FAM98B: variants seen among roughly 807,000 people sequenced by gnomAD.
FAM98B encodes the protein tRNA splicing ligase complex subunit 3B, also known as tRNA-splicing ligase complex subunit FAM98B.
FAM98B carries 32 observed loss-of-function variants against 43.9 expected under a neutral mutation model. The observed-to-expected ratio is 0.73, with a 90% confidence interval of 0.55 to 0.98. FAM98B has a LOEUF of 0.98. FAM98B is among the 50% of genes least tolerant of loss of function. The probability of loss-of-function intolerance (pLI) is 0.00; values close to 1 mark genes in which losing one functional copy is unlikely to be tolerated. For missense variants in FAM98B, 514 were observed against 522.9 expected (o/e 0.98, Z 0.17); for synonymous variants, 190 against 174.0 (o/e 1.09, Z -0.72).
chr15:38,465,005 G>A (rs1890006963), intron 2 of FAM98B, among the ~76,000 whole-genome samples: 1 of 152,178 alleles, frequency 6.6e-6, no homozygotes, highest in African/African-American at 2.4e-5. Flanking sequence ...AGCAGTGAGG[G>A]TTAATTAGAT....
rs545260268 is a variant in FAM98B, at chr15:38,457,315, A to C, written c.71+3083A>C. Among the ~76,000 whole-genome samples, 278 of 152,298 alleles carry C rather than the reference A, an allele frequency of 1.8e-3. 1 individual carries two copies. The highest frequency in any genetic ancestry group is 3.5e-3 in the Non-Finnish European group (236 of 68,018). ...TACAGGTGTGAGCCACCACGCCCCA[A>C]CAGATTAATTTCTTCAGTTGGTATT... is the stretch of plus-strand genomic sequence containing the variant. On this transcript the variant is annotated intron_variant, in intron 1 of 7. Transcript: ENST00000397609.
intron 7 of FAM98B, 176 bp downstream of exon 7, chr15:38,481,635 G>T: frequency 6.6e-7 from 1 of 1,519,006 alleles, no homozygotes; most frequent in Non-Finnish European, 8.8e-7. Context: ...ATGTTCACTT[G>T]AATTTGTGTA....
At chr15:38,465,641 T>C (rs1890018487) in intron 3 of FAM98B, among the ~76,000 whole-genome samples, 1 of 152,166 alleles carries the variant, frequency 6.6e-6, no homozygotes, top group African/African-American at 2.4e-5. Context: ...GTGATTTATA[T>C]AGTACTTTAG....
intron 5 of FAM98B, among the ~76,000 whole-genome samples, chr15:38,473,955 C>T (rs112688529): frequency 1.1e-3 from 166 of 152,236 alleles, no homozygotes; most frequent in Middle Eastern, 3.4e-3. Context: ...ACTCTACCAA[C>T]GGGTGGAGTT....
rs1391529235 is a variant in FAM98B, at chr15:38,465,422, T to G, written c.352+19T>G. On this transcript the variant is annotated intron_variant, in intron 3 of 7. Coordinates refer to ENST00000397609, the MANE Select transcript of FAM98B (RefSeq NM_173611.4). ...CTTCTATGTAAGTTATCTTGAACAT[T>G]TAAATGCATGTGTTTGACATGGTTT... 2 of 1,556,578 alleles carry G rather than the reference T, an allele frequency of 1.3e-6. No individual in the cohort carries two copies. The highest frequency in any genetic ancestry group is 2.5e-5 in the South Asian group (2 of 79,324).
In FAM98B at chr15:38,473,423, T is replaced by C. The variant is rs1213799833; in HGVS notation, c.532-82T>C. The C allele has an allele frequency of 5.2e-6, 5 of 961,128 alleles. No homozygotes were observed. The Middle Eastern group carries it at 9.7e-4, about 186-fold the overall frequency. The allele number at this position is 961,128 out of a possible 1,614,324, so 59.5% of individuals were successfully genotyped here. On this transcript the variant is annotated intron_variant, in intron 4 of 7. Coordinates refer to ENST00000397609, the MANE Select transcript of FAM98B (RefSeq NM_173611.4). ...ACTTTAATATTTTATTCTGTAGTGTTCAGAGCGATACTTTAAACAAGCATA... is the reference window on the plus strand; with the variant it reads ...ACTTTAATATTTTATTCTGTAGTGTCCAGAGCGATACTTTAAACAAGCATA...
At chr15:38,473,663 T>C (rs907723141) in intron 5 of FAM98B, 78 bp downstream of exon 5, 8 of 1,151,864 alleles carry the variant, frequency 6.9e-6, no homozygotes, top group Non-Finnish European at 1.0e-5. Flanking sequence ...GAACATCTAT[T>C]TTGCAATATG....
intron 1 of FAM98B, chr15:38,458,956 G>A (rs78714949): frequency 0.018 from 7,109 of 403,798 alleles, 87 homozygotes; most frequent in Middle Eastern, 0.04. Context: ...GGCGGCTGAG[G>A]TTCCTGACTT....
In FAM98B at chr15:38,465,379, A is replaced by C. The variant is rs777709403; in HGVS notation, c.328A>C (p.Lys110Gln). 4 of 1,600,354 alleles carry C rather than the reference A, an allele frequency of 2.5e-6. No individual in the cohort carries two copies. The highest frequency in any genetic ancestry group is 3.4e-6 in the Non-Finnish European group (4 of 1,174,564). Residue 110 changes from lysine (K) to glutamine (Q), a missense_variant, in exon 3 of 8, where the codon AAG becomes CAG. This residue lies in a region of FAM98B where 469 missense variants were observed against 451.8 expected (regional missense o/e 1.04). Transcript: ENST00000397609. ...SGDIKDRLKK[K>Q]EDCLKLLLFL... is the part of the protein sequence containing the mutation. ...AGATATTAAAGATCGTTTAAAAAAG[A>C]AGGAGGACTGTTTGAAACTTCTATG...
chr15:38,484,005 TAC>T (rs1890325728), intron 7 of FAM98B, among the ~76,000 whole-genome samples: 1 of 152,012 alleles, frequency 6.6e-6, no homozygotes. Context: ...ATATATTAAC[TAC>T]AGTCATCATA....
intron 1 of FAM98B, among the ~76,000 whole-genome samples, chr15:38,457,840 C>G (rs532952018): frequency 5.9e-4 from 89 of 151,962 alleles, no homozygotes; most frequent in African/African-American, 2.0e-3. Flanking sequence ...AATGGGAGAG[C>G]AGTGATAATG....
chr15:38,474,660 A>T (rs1406030893), intron 6 of FAM98B, among the ~76,000 whole-genome samples: 2 of 152,366 alleles, frequency 1.3e-5, no homozygotes, highest in South Asian at 2.1e-4. Flanking sequence ...AGGCCTTAAA[A>T]GTATCTTAAG....
chr15:38,456,894 A>G (rs1361955972), intron 1 of FAM98B, among the ~76,000 whole-genome samples: 1 of 152,178 alleles, frequency 6.6e-6, no homozygotes, highest in East Asian at 1.9e-4. Flanking sequence ...ATTGGATTCA[A>G]GAGTTAGGTG....
intron 1 of FAM98B, 54 bp from the exon 2 acceptor site, chr15:38,463,978 T>G (rs1595797837): frequency 6.6e-7 from 1 of 1,514,362 alleles, no homozygotes. Flanking sequence ...GTGTTGGAGG[T>G]TTTTTTGTTT....
chr15:38,463,407 C>G (rs2141053608), intron 1 of FAM98B, among the ~76,000 whole-genome samples: 1 of 151,928 alleles, frequency 6.6e-6, no homozygotes, highest in Middle Eastern at 3.4e-3. Flanking sequence ...ATGAGAATCC[C>G]TTGAACCCAG....
chr15:38,464,319 T>C, intron 2 of FAM98B, 142 bp downstream of exon 2: 1 of 761,152 alleles, frequency 1.3e-6, no homozygotes, highest in Non-Finnish European at 1.9e-6. Context: ...GTAAACATTT[T>C]TGGATTAAAT....
chr15:38,470,071 T>G (rs141967647), intron 3 of FAM98B, among the ~76,000 whole-genome samples, 156 bp from the exon 4 acceptor site: 2 of 152,332 alleles, frequency 1.3e-5, no homozygotes, highest in East Asian at 3.9e-4. Context: ...ACTTCGTTTA[T>G]AAGTGTACAG....
Position 38,470,226 on chromosome 15 carries a change from G to A in FAM98B, c.353-1G>A. The A allele has an allele frequency of 7.1e-7, 1 of 1,418,218 alleles. No homozygotes were observed. Among genetic ancestry groups the A allele is most frequent in the Non-Finnish European group, 9.4e-7 (1 of 1,058,734 alleles). The allele number at this position is 1,418,218 out of a possible 1,614,324, so 87.9% of individuals were successfully genotyped here. On this transcript the variant is annotated splice_acceptor_variant, in intron 3 of 7. Coordinates refer to ENST00000397609, the MANE Select transcript of FAM98B (RefSeq NM_173611.4). LOFTEE classifies it high-confidence loss of function. ...CATTATTTATTTTCTCTTTATTGTAGTATTTTTAAGTACAGAACTTCAAGC... is the reference window on the plus strand; with the variant it reads ...CATTATTTATTTTCTCTTTATTGTAATATTTTTAAGTACAGAACTTCAAGC...
At position 38,469,843 on chromosome 15, in the gene FAM98B, T is replaced by C. The variant is rs188985806; in HGVS notation, c.353-384T>C. Among the ~76,000 whole-genome samples the C allele has an allele frequency of 1.6e-3, 247 of 152,186 alleles. 1 individual carries two copies. Among genetic ancestry groups the C allele is most frequent in the Admixed American group, 3.6e-3 (55 of 15,278 alleles). ...GTTAAACCTCTCTAGGTAAAGTAGA[T>C]GAAAGTTACGCTGCTGTTTTCTGGG... is the stretch of plus-strand genomic sequence containing the variant. On this transcript the variant is annotated intron_variant, in intron 3 of 7. Transcript: ENST00000397609.
Sources: gnomAD v4.1 joint callset for allele counts (sites outside exome capture counted in the v4.1 genomes callset) on GRCh38, gnomAD v4.1.1 for gene constraint, gnomAD v4.1.1 regional missense constraint, MANE v1.5 for transcripts, NCBI Gene and HGNC (gene_info 2026-07-23, HGNC 2026-07-21) for gene names.